GPC1: variants seen among roughly 807,000 people sequenced by gnomAD.
GPC1 encodes the protein glypican-1.
GPC1 carries 26 observed loss-of-function variants against 51.5 expected under a neutral mutation model. That is an observed-to-expected ratio of 0.50 (90% CI 0.37 to 0.70). The LOEUF (loss-of-function observed/expected upper bound fraction) is 0.70. GPC1 is among the 30% of genes least tolerant of loss of function. The pLI, the probability that GPC1 is intolerant of heterozygous loss-of-function variation, is 0.00. For missense variants in GPC1, 775 were observed against 800.5 expected (o/e 0.97, Z 0.38); for synonymous variants, 380 against 348.3 (o/e 1.09, Z -1.01).
At chr2:240,455,530 TGGA>T (rs906771319) in intron 1 of GPC1, among the ~76,000 whole-genome samples, 18 of 151,998 alleles carry the variant, frequency 1.2e-4, no homozygotes, top group African/African-American at 3.1e-4. Context: ...CCCTCTGGGT[TGGA>T]GGAGGAGAAA....
intron 4 of GPC1, chr2:240,464,342 C>T (rs1177312472): frequency 1.7e-5 from 8 of 465,228 alleles, no homozygotes; most frequent in African/African-American, 3.9e-5. Context: ...ATACGAGACA[C>T]GGCAGGCCAG....
At position 240,466,115 on chromosome 2, in the gene GPC1, G is replaced by A. The variant is rs200342480; in HGVS notation, c.1502G>A (p.Arg501Gln). 7.1e-5 allele frequency: 114 copies of A among 1,612,860 alleles called. No individual in the cohort carries two copies. The highest frequency in any genetic ancestry group is 7.9e-5 in the Non-Finnish European group (93 of 1,179,840). The change falls in exon 9 of 9, where the codon CGG (arginine) becomes CAG (glutamine). Residue 501 changes from arginine (R) to glutamine (Q), a missense_variant. Transcript: ENST00000264039. Reference protein sequence around the residue: ...GDGCLDDLCSRKVSRKSSSSR... With the variant: ...GDGCLDDLCSQKVSRKSSSSR... The stretch of plus-strand genomic sequence containing the variant: ...GGCTGTCTGGATGACCTCTGCAGCC[G>A]GAAGGTCAGCAGGAAGAGCTCCAGC...
At chr2:240,438,224 C>T (rs1157157595) in intron 1 of GPC1, among the ~76,000 whole-genome samples, 2 of 152,308 alleles carry the variant, frequency 1.3e-5, no homozygotes, top group East Asian at 3.9e-4. Context: ...CCTCTCCAGT[C>T]GGTGCCCCTC....
At chr2:240,465,277 A>G in intron 7 of GPC1, 67 bp downstream of exon 7, 7 of 1,514,854 alleles carry the variant, frequency 4.6e-6, no homozygotes, top group South Asian at 1.3e-5. Flanking sequence ...TGCCTGGGCC[A>G]GGTGCTGTCT....
Position 240,463,639 on chromosome 2 carries a change from G to A in GPC1, c.883+127G>A, listed in dbSNP as rs921401465. 37 of 762,120 alleles carry A rather than the reference G, an allele frequency of 4.9e-5. 1 individual carries two copies. In the Admixed American group the frequency reaches 5.7e-4, roughly 12 times the overall value. 47.2% of individuals were successfully genotyped at this position (762,120 alleles called of 1,614,324 possible). ...GACCTGATCAGGGATGCCCTGACCCGGGCCAGATCTGGGTGGTGCTGCAGG... is the reference window on the plus strand; with the variant it reads ...GACCTGATCAGGGATGCCCTGACCCAGGCCAGATCTGGGTGGTGCTGCAGG... On this transcript the variant is annotated intron_variant, in intron 4 of 8. Transcript: ENST00000264039.
intron 1 of GPC1, chr2:240,451,233 C>G (rs779034282): frequency 4.2e-6 from 2 of 471,152 alleles, no homozygotes; most frequent in South Asian, 3.1e-5. Context: ...TGTGTCTCTG[C>G]CTGGTTGGCA....
At chr2:240,453,966 C>G (rs1220409617) in intron 1 of GPC1, among the ~76,000 whole-genome samples, 1 of 152,166 alleles carries the variant, frequency 6.6e-6, no homozygotes, top group Non-Finnish European at 1.5e-5. Context: ...AGAGGTGTCC[C>G]TACGACGCCC....
Position 240,435,799 on chromosome 2 carries a change from G to A in GPC1, c.-120G>A. The A allele has an allele frequency of 3.2e-6, 2 of 633,922 alleles. No individual in the cohort carries two copies. The highest frequency in any genetic ancestry group is 1.9e-5 in the African/African-American group (1 of 52,138). 39.3% of individuals were successfully genotyped at this position (633,922 alleles called of 1,614,324 possible). ...GCCTCCTCGGCCGCCGCCGCCTCTG[G>A]ACCGCGAGCCGCGCGCGCCGGGACC... On this transcript the variant is annotated 5_prime_UTR_variant, in exon 1 of 9. Coordinates refer to ENST00000264039, the MANE Select transcript of GPC1 (RefSeq NM_002081.3).
intron 1 of GPC1, among the ~76,000 whole-genome samples, chr2:240,444,570 A>C (rs995621661): frequency 6.7e-6 from 1 of 149,422 alleles, no homozygotes; most frequent in African/African-American, 2.4e-5. Context: ...CCTCCCCGGC[A>C]GGGGTGCTTC....
chr2:240,457,585 G>A (rs1266206197), intron 1 of GPC1: 5 of 415,418 alleles, frequency 1.2e-5, no homozygotes, highest in Non-Finnish European at 1.0e-5. Context: ...CACTGCCTGC[G>A]CTGCTCCAGG....
Position 240,462,473 on chromosome 2 carries a change from G to A in GPC1, c.608G>A (p.Gly203Glu), listed in dbSNP as rs766094729. ...GKQAEALRPF[G>E]EAPRELRLRA... is the part of the protein sequence containing the mutation. Reference sequence around the variant, plus strand: ...CAGGCCGAGGCGCTGCGGCCCTTCGGGGAGGCCCCGAGAGAGCTGCGCCTG... The same window carrying A: ...CAGGCCGAGGCGCTGCGGCCCTTCGAGGAGGCCCCGAGAGAGCTGCGCCTG... Residue 203 changes from glycine (G) to glutamate (E), a missense_variant, in exon 3 of 9, where the codon GGG becomes GAG. Coordinates refer to ENST00000264039, the MANE Select transcript of GPC1 (RefSeq NM_002081.3). The A allele has an allele frequency of 1.9e-6, 3 of 1,603,604 alleles. No homozygotes were observed. Among genetic ancestry groups the A allele is most frequent in the Non-Finnish European group, 2.5e-6 (3 of 1,176,822 alleles).
At position 240,466,148 on chromosome 2, in the gene GPC1, C is replaced by T. The variant is rs1300183899; in HGVS notation, c.1535C>T (p.Thr512Met). 14 of 1,612,756 alleles carry T rather than the reference C, an allele frequency of 8.7e-6. No homozygotes were observed. In the Admixed American group the frequency reaches 1.2e-4, roughly 13 times the overall value. Residue 512 changes from threonine (T) to methionine (M), a missense_variant, in exon 9 of 9, where the codon ACG becomes ATG. Coordinates refer to ENST00000264039, the MANE Select transcript of GPC1 (RefSeq NM_002081.3). ...AGCAGGAAGAGCTCCAGCTCCCGGA[C>T]GCCCTTGACCCATGCCCTCCCAGGC... ...KVSRKSSSSRTPLTHALPGLS... is the reference protein window; with the variant it reads ...KVSRKSSSSRMPLTHALPGLS...
chr2:240,453,606 C>T (rs1357147589), intron 1 of GPC1, among the ~76,000 whole-genome samples: 6 of 140,466 alleles, frequency 4.3e-5, no homozygotes, highest in Middle Eastern at 3.7e-3. Flanking sequence ...AATCGCGGCG[C>T]CCCCCTCCCC....
intron 1 of GPC1, among the ~76,000 whole-genome samples, chr2:240,436,727 G>C (rs942209865): frequency 6.6e-6 from 1 of 152,254 alleles, no homozygotes; most frequent in African/African-American, 2.4e-5. Context: ...CCGCCGCCTC[G>C]TAGAGATTCC....
At position 240,436,077 on chromosome 2, in the gene GPC1, G is replaced by A. The variant is rs780575484; in HGVS notation, c.159G>A (p.Glu53=). The part of the protein sequence containing the change: ...GFSLSDVPQA[E]ISGEHLRICP... ...GCCTGAGCGACGTGCCCCAGGCGGAGATCTCGGGTGAGTGAGGGCGCGGCG... is the reference window on the plus strand; with the variant it reads ...GCCTGAGCGACGTGCCCCAGGCGGAAATCTCGGGTGAGTGAGGGCGCGGCG... Residue 53 remains glutamate, a synonymous_variant, in exon 1 of 9, where the codon GAG becomes GAA. Transcript: ENST00000264039. 2 of 1,298,890 alleles carry A rather than the reference G, an allele frequency of 1.5e-6. No individual in the cohort carries two copies. Among genetic ancestry groups the A allele is most frequent in the South Asian group, 5.3e-5 (2 of 37,840 alleles). 80.5% of individuals were successfully genotyped at this position (1,298,890 alleles called of 1,614,324 possible). A position where few individuals can be genotyped will look rare whatever the true frequency, so the allele number is the denominator to read the frequency against.
At chr2:240,456,297 C>T (rs1372704601) in intron 1 of GPC1, among the ~76,000 whole-genome samples, 1 of 152,022 alleles carries the variant, frequency 6.6e-6, no homozygotes, top group Non-Finnish European at 1.5e-5. Context: ...TGCCTCTCGT[C>T]AGCCTCTCCC....
Position 240,462,467 on chromosome 2 carries a change from C to G in GPC1, c.602C>G (p.Pro201Arg), listed in dbSNP as rs771768673. ...CLGKQAEALR[P>R]FGEAPRELRL... ...GGCAAGCAGGCCGAGGCGCTGCGGCCCTTCGGGGAGGCCCCGAGAGAGCTG... is the reference window on the plus strand; with the variant it reads ...GGCAAGCAGGCCGAGGCGCTGCGGCGCTTCGGGGAGGCCCCGAGAGAGCTG... The change falls in exon 3 of 9, where the codon CCC becomes CGC. Residue 201 changes from proline to arginine, a missense_variant. Transcript: ENST00000264039. 4.4e-6 allele frequency: 7 copies of G among 1,604,158 alleles called. No homozygotes were observed. In the African/African-American group the frequency reaches 9.4e-5, roughly 21 times the overall value.
chr2:240,456,577 C>T (rs1456911237), intron 1 of GPC1: 1 of 469,352 alleles, frequency 2.1e-6, no homozygotes, highest in East Asian at 7.0e-5. Context: ...ACGTTTCCCT[C>T]CCACTGCCCA....
chr2:240,466,347 C>T lies in GPC1; in HGVS notation c.*57C>T. 1.0e-6 allele frequency: 1 copy of T among 974,404 alleles called. No individual in the cohort carries two copies. The highest frequency in any genetic ancestry group is 1.6e-6 in the Non-Finnish European group (1 of 615,180). The allele number at this position is 974,404 out of a possible 1,614,324, so 60.4% of individuals were successfully genotyped here. On this transcript the variant is annotated 3_prime_UTR_variant, in exon 9 of 9. Transcript: ENST00000264039. ...GACTGACTTTGCCAAAAATACAACA[C>T]AGACGATATTTAATTCACCTCAGCC...
Sources: gnomAD v4.1 joint callset for allele counts (sites outside exome capture counted in the v4.1 genomes callset) on GRCh38, gnomAD v4.1.1 for gene constraint, MANE v1.5 for transcripts, NCBI Gene and HGNC (gene_info 2026-07-23, HGNC 2026-07-21) for gene names.